CASS4: variants seen among roughly 807,000 people sequenced by gnomAD.
CASS4 encodes the protein cas scaffolding protein family member 4.
In CASS4, 22 loss-of-function variants were observed where a neutral mutation model predicts 54.2. That is an observed-to-expected ratio of 0.41 (90% CI 0.29 to 0.58). CASS4 has a LOEUF of 0.58. CASS4 is among the 20% of genes least tolerant of loss of function. CASS4 has a pLI of 0.36. For missense variants in CASS4, 854 were observed against 986.7 expected (o/e 0.87, Z 1.80); for synonymous variants, 409 against 391.5 (o/e 1.04, Z -0.53).
intron 5 of CASS4, among the ~76,000 whole-genome samples, chr20:56,456,382 T>C (rs1486663040): frequency 2.6e-5 from 4 of 151,158 alleles, no homozygotes; most frequent in Non-Finnish European, 4.4e-5. Flanking sequence ...AAACTCTTCT[T>C]TTTTTTTTTG....
upstream of CASS4, chr20:56,412,247 G>C (rs1600737989): frequency 1.7e-6 from 1 of 577,534 alleles, no homozygotes. This position sits in a 1 kb window ranked among gnomAD's most constrained non-coding sequence, Gnocchi z 4.2. Flanking sequence ...GTCCTCCCCT[G>C]CTTCACTGCT....
chr20:56,458,281 C>A, intron 5 of CASS4, 59 bp from the exon 6 acceptor site: 1 of 1,504,678 alleles, frequency 6.6e-7, no homozygotes, highest in South Asian at 1.2e-5. Flanking sequence ...CAGGAAAGGG[C>A]AGACAGCCAC....
intron 1 of CASS4, among the ~76,000 whole-genome samples, chr20:56,422,686 T>G (rs1391644122): frequency 1.3e-5 from 2 of 152,194 alleles, no homozygotes; most frequent in East Asian, 3.9e-4. Flanking sequence ...AATGTGTGGC[T>G]TTTTCATCTG....
At chr20:56,428,437 A>T (rs1249419653) in intron 1 of CASS4, among the ~76,000 whole-genome samples, 3 of 152,182 alleles carry the variant, frequency 2.0e-5, no homozygotes, top group African/African-American at 7.2e-5. Context: ...CCTGACTATT[A>T]ACGTTGAGTT....
chr20:56,441,120 C>G (rs1251676546), intron 2 of CASS4, among the ~76,000 whole-genome samples: 1 of 151,300 alleles, frequency 6.6e-6, no homozygotes, highest in Non-Finnish European at 1.5e-5. Context: ...TCCCAAGTAG[C>G]TGGGAACACA....
intron 2 of CASS4, among the ~76,000 whole-genome samples, chr20:56,441,152 C>A (rs1381332952): frequency 6.7e-6 from 1 of 149,066 alleles, no homozygotes; most frequent in African/African-American, 2.6e-5. Context: ...CCACGCCTGG[C>A]TAAATTTTTT....
intron 1 of CASS4, among the ~76,000 whole-genome samples, chr20:56,422,012 A>C (rs992121414): frequency 6.6e-6 from 1 of 152,208 alleles, no homozygotes; most frequent in Non-Finnish European, 1.5e-5. Context: ...TGCCCTGGGA[A>C]GCTATCTCAC....
Position 56,441,861 on chromosome 20 carries a change from T to G in CASS4, c.460-4039T>G, listed in dbSNP as rs141253006. Among the ~76,000 whole-genome samples, 1,213 of 152,304 alleles carry G rather than the reference T, an allele frequency of 8.0e-3. 19 individuals carry two copies. The highest frequency in any genetic ancestry group is 0.028 in the African/African-American group (1,169 of 41,564). ...CCTTTTGGTTTTTCTAAATACTTTCTTCTTCCTCTACTCTGAGAAGGAAGG... is the reference window on the plus strand; with the variant it reads ...CCTTTTGGTTTTTCTAAATACTTTCGTCTTCCTCTACTCTGAGAAGGAAGG... On this transcript the variant is annotated intron_variant, in intron 2 of 5. Coordinates refer to ENST00000679887, the MANE Select transcript of CASS4 (RefSeq NM_020356.4).
At chr20:56,422,556 G>A (rs1026538890) in intron 1 of CASS4, among the ~76,000 whole-genome samples, 2 of 152,218 alleles carry the variant, frequency 1.3e-5, no homozygotes, top group African/African-American at 4.8e-5. Context: ...CAGTATTCAG[G>A]TATCAGGGAA....
chr20:56,428,679 C>A (rs992370349), intron 1 of CASS4, among the ~76,000 whole-genome samples: 1 of 152,200 alleles, frequency 6.6e-6, no homozygotes, highest in South Asian at 2.1e-4. Flanking sequence ...TTTAAACCAG[C>A]TCTTTCTGGA....
chr20:56,421,360 A>G (rs1321299358), intron 1 of CASS4, among the ~76,000 whole-genome samples: 2 of 152,212 alleles, frequency 1.3e-5, no homozygotes, highest in Non-Finnish European at 2.9e-5. Context: ...GCACGTGGAT[A>G]TGACAGGAAG....
chr20:56,446,777 G>T (rs908820205), intron 3 of CASS4, among the ~76,000 whole-genome samples: 2 of 152,062 alleles, frequency 1.3e-5, no homozygotes, highest in African/African-American at 2.4e-5. Flanking sequence ...GTTGAATCAG[G>T]TCTAGATGGG....
At chr20:56,412,104 A>T, upstream of CASS4, 4 of 326,118 alleles carry the variant, frequency 1.2e-5, no homozygotes, top group South Asian at 1.1e-4. This position sits in a 1 kb window ranked among gnomAD's most constrained non-coding sequence, Gnocchi z 4.2. Context: ...ACTTCGCCCT[A>T]TAAAGCAGAA....
At chr20:56,427,183 A>G (rs1979677793) in intron 1 of CASS4, among the ~76,000 whole-genome samples, 1 of 151,774 alleles carries the variant, frequency 6.6e-6, no homozygotes, top group Non-Finnish European at 1.5e-5. Context: ...TAAAAAAAAA[A>G]AAAAAAAAAC....
At chr20:56,419,727 G>T (rs569816832) in intron 1 of CASS4, among the ~76,000 whole-genome samples, 1 of 145,338 alleles carries the variant, frequency 6.9e-6, no homozygotes, top group Non-Finnish European at 1.5e-5. Context: ...CACCGTGCCC[G>T]GCTAGGCTCT....
At chr20:56,450,219 T>G (rs900267530) in intron 3 of CASS4, among the ~76,000 whole-genome samples, 2 of 152,114 alleles carry the variant, frequency 1.3e-5, no homozygotes, top group Admixed American at 1.3e-4. Context: ...TTAATAGAGT[T>G]CTCCATGTTG....
intron 2 of CASS4, among the ~76,000 whole-genome samples, chr20:56,443,340 G>A (rs942977740): frequency 2.0e-5 from 3 of 151,112 alleles, no homozygotes; most frequent in Non-Finnish European, 4.4e-5. Flanking sequence ...GTGGTGGCGG[G>A]CACCTGTAAT....
intron 1 of CASS4, among the ~76,000 whole-genome samples, chr20:56,416,933 A>C (rs1370020499): frequency 6.6e-6 from 1 of 152,246 alleles, no homozygotes; most frequent in Non-Finnish European, 1.5e-5. Flanking sequence ...TTTTAAATTC[A>C]GCCTCAATTA....
chr20:56,445,311 C>A (rs933699424), intron 2 of CASS4, among the ~76,000 whole-genome samples: 7 of 152,136 alleles, frequency 4.6e-5, no homozygotes, highest in African/African-American at 1.7e-4. Flanking sequence ...CAAAAGCTGC[C>A]AGCTGCAGCT....
Sources: allele counts gnomAD v4.1 joint callset (sites outside exome capture counted in the v4.1 genomes callset), GRCh38; gene constraint gnomAD v4.1.1; non-coding constraint Gnocchi (gnomAD v3.1); transcripts MANE v1.5; gene names NCBI Gene and HGNC (gene_info 2026-07-23, HGNC 2026-07-21).